ENDOV: variants seen among roughly 807,000 people sequenced by gnomAD.
ENDOV encodes the protein hEndoV.
ENDOV carries 37 observed loss-of-function variants against 39.4 expected under a neutral mutation model. The observed-to-expected ratio is 0.94, with a 90% confidence interval of 0.72 to 1.23. The LOEUF is 1.23. Ranked by LOEUF, ENDOV falls within the 50% of genes most tolerant of loss-of-function variation. ENDOV has a pLI of 0.00. For synonymous variants in ENDOV, 186 were observed against 163.4 expected (o/e 1.14, Z -1.05); for missense variants, 441 against 375.7 (o/e 1.17, Z -1.44).
intron 9 of ENDOV, among the ~76,000 whole-genome samples, chr17:80,435,131 A>G (rs2083525807): frequency 6.6e-6 from 1 of 152,020 alleles, no homozygotes; most frequent in African/African-American, 2.4e-5. Context: ...ATATGTTCTG[A>G]ATCCTAGATA....
intron 2 of ENDOV, chr17:80,418,255 G>A (rs1044892464): frequency 2.0e-5 from 3 of 152,174 alleles, no homozygotes; most frequent in African/African-American, 7.2e-5. Context: ...GAATTGTGAT[G>A]AGCAGTACAT....
intron 2 of ENDOV, chr17:80,419,417 C>T (rs1044889642): frequency 1.6e-6 from 1 of 611,024 alleles, no homozygotes; most frequent in Non-Finnish European, 3.0e-6. Context: ...GTGTGCTGCT[C>T]CGCAGGCCTC....
intron 2 of ENDOV, chr17:80,418,286 A>G (rs1438794903): frequency 6.6e-6 from 1 of 152,240 alleles, no homozygotes; most frequent in Non-Finnish European, 1.5e-5. Flanking sequence ...GAAAGCAGTT[A>G]ACACAGCATT....
chr17:80,428,353 C>G, intron 7 of ENDOV: 1 of 543,688 alleles, frequency 1.8e-6, no homozygotes, highest in Non-Finnish European at 3.3e-6. Flanking sequence ...CTACTCAGGC[C>G]CTTCAGGGAC....
At chr17:80,433,048 T>C in intron 9 of ENDOV, 1 of 513,096 alleles carries the variant, frequency 1.9e-6, no homozygotes, top group East Asian at 5.5e-5. Flanking sequence ...CTCTCCCCTC[T>C]CCACACTCAC....
At chr17:80,428,810 C>G (rs370476373) in intron 8 of ENDOV, 150 bp downstream of exon 8, 65 of 742,952 alleles carry the variant, frequency 8.7e-5, no homozygotes, top group African/African-American at 7.9e-4. Flanking sequence ...CAGGAGAGGT[C>G]TTCAAAGAGG....
intron 4 of ENDOV, 149 bp downstream of exon 4, chr17:80,422,394 C>A: frequency 2.1e-6 from 2 of 947,712 alleles, no homozygotes; most frequent in South Asian, 1.4e-5. Context: ...AACGGGGACG[C>A]GCAGTGCGCT....
intron 2 of ENDOV, among the ~76,000 whole-genome samples, chr17:80,421,080 G>A (rs2081952106): frequency 6.6e-6 from 1 of 152,216 alleles, no homozygotes; most frequent in South Asian, 2.1e-4. Flanking sequence ...GGGGCAGGCA[G>A]AGGTGATGCA....
In ENDOV at chr17:80,415,801, C is replaced by T. The variant is rs767179610; in HGVS notation, c.208C>T (p.Leu70Phe). Residue 70 changes from leucine (L) to phenylalanine (F), a missense_variant, in exon 2 of 10, where the codon CTC becomes TTC. Physicochemically the swap from Leu to Phe is conservative, Grantham distance 22. Transcript: ENST00000518137. ...SVRACASLVV[L>F]SFPELEVVYE... ...CCGCGCTTGTGCTTCCCTGGTGGTG[C>T]TCAGCTTCCCTGAGCTCGAGGTAAC... 5 of 1,598,342 alleles carry T rather than the reference C, an allele frequency of 3.1e-6. No homozygotes were observed. In the Admixed American group the frequency reaches 5.2e-5, roughly 17 times the overall value.
At chr17:80,424,147 C>CA (rs1179849863) in intron 5 of ENDOV, 1 of 399,024 alleles carries the variant, frequency 2.5e-6, no homozygotes, top group African/African-American at 2.1e-5. Flanking sequence ...GTGAGACACT[C>CA]ACAATGGAGG....
intron 9 of ENDOV, among the ~76,000 whole-genome samples, chr17:80,434,213 T>C (rs1033488562): frequency 6.6e-6 from 1 of 152,250 alleles, no homozygotes; most frequent in African/African-American, 2.4e-5. Flanking sequence ...GTGTAGTCTT[T>C]TCTGTCTGGC....
Position 80,415,681 on chromosome 17 carries a change from G to C in ENDOV, c.88G>C (p.Asp30His). The stretch of plus-strand genomic sequence containing the variant: ...AGCTCGGCTGAAGGCCCACGTCGTA[G>C]ACCGGGACACCGAGGCGTGGCAGCG... ...EQARLKAHVV[D>H]RDTEAWQRDP... The change falls in exon 2 of 10, where the codon GAC (aspartate) becomes CAC (histidine). Residue 30 changes from aspartate (D) to histidine (H), a missense_variant. Coordinates refer to ENST00000518137, the MANE Select transcript of ENDOV (RefSeq NM_173627.5). The C allele has an allele frequency of 6.2e-7, 1 of 1,612,550 alleles. No homozygotes were observed. Among genetic ancestry groups the C allele is most frequent in the Non-Finnish European group, 8.5e-7 (1 of 1,179,376 alleles).
chr17:80,433,399 CCA>C lies in ENDOV; in HGVS notation c.839-2733_839-2732del, dbSNP rs1386022466. 2.0e-5 allele frequency among the ~76,000 whole-genome samples: 3 copies of C among 152,322 alleles called. No homozygotes were observed. The South Asian group carries it at 6.2e-4, about 32-fold the overall frequency. ...GTCAGTCCGCCATGCTGTGCCAACC[CCA>C]GTGATGAGAGGATGAAGCCAGGTCA... On this transcript the variant is annotated intron_variant, in intron 9 of 9. Transcript: ENST00000518137.
At chr17:80,415,428 G>A (rs41298658) in intron 1 of ENDOV, 178 bp downstream of exon 1, 3 of 997,970 alleles carry the variant, frequency 3.0e-6, no homozygotes, top group South Asian at 1.7e-5. Context: ...AGTCCGCGGG[G>A]TGGGCGCGGT....
At position 80,421,946 on chromosome 17, in the gene ENDOV, C is replaced by T. The variant is rs547186198; in HGVS notation, c.347C>T (p.Pro116Leu). The change falls in exon 3 of 10, where the codon CCG becomes CTG. Residue 116 changes from proline (P) to leucine (L), a missense_variant. Transcript: ENST00000518137. ...GTGCAGCAGCTGCGGGAGAAGGAGC[C>T]GGGCCTCATGCCCCAGGCAGGTGTC... ...ELVQQLREKEPGLMPQVLLVD... is the reference protein window; with the variant it reads ...ELVQQLREKELGLMPQVLLVD... 2.4e-5 allele frequency: 39 copies of T among 1,609,430 alleles called. No homozygotes were observed. Among genetic ancestry groups the T allele is most frequent in the East Asian group, 8.9e-5 (4 of 44,868 alleles).
In ENDOV at chr17:80,422,390, G is replaced by C. The variant is rs557141350; in HGVS notation, c.403+145G>C. 24 of 968,426 alleles carry C rather than the reference G, an allele frequency of 2.5e-5. No homozygotes were observed. The South Asian group carries it at 3.3e-4, about 13-fold the overall frequency. 60.0% of individuals were successfully genotyped at this position (968,426 alleles called of 1,614,324 possible). Reference sequence around the variant, plus strand: ...ATGGCTTCTTTCTCGGCGCAACGGGGACGCGCAGTGCGCTCAGCCCCGCCT... The same window carrying C: ...ATGGCTTCTTTCTCGGCGCAACGGGCACGCGCAGTGCGCTCAGCCCCGCCT... On this transcript the variant is annotated intron_variant, in intron 4 of 9. Coordinates refer to ENST00000518137, the MANE Select transcript of ENDOV (RefSeq NM_173627.5).
intron 9 of ENDOV, 156 bp downstream of exon 9, chr17:80,429,987 T>G (rs2083208077): frequency 4.5e-6 from 7 of 1,541,348 alleles, no homozygotes; most frequent in Non-Finnish European, 6.1e-6. Flanking sequence ...CTCAGGACAC[T>G]GACCACCCCT....
At position 80,429,769 on chromosome 17, in the gene ENDOV, C is replaced by G. The variant is rs1055219127; in HGVS notation, c.780-4C>G. On this transcript the variant is annotated splice_polypyrimidine_tract_variant and splice_region_variant and intron_variant, in intron 8 of 9. Transcript: ENST00000518137. ...TGCTGTCCCTTTCTCAATGTCATCA[C>G]CAGGAGCCCGAAGGCGCAGAGGCCA... is the stretch of plus-strand genomic sequence containing the variant. 3.1e-6 allele frequency: 5 copies of G among 1,598,028 alleles called. No individual in the cohort carries two copies. Among genetic ancestry groups the G allele is most frequent in the African/African-American group, 2.7e-5 (2 of 74,060 alleles).
chr17:80,425,312 C>A (rs1429981290), intron 6 of ENDOV, 180 bp from the exon 7 acceptor site: 3 of 988,222 alleles, frequency 3.0e-6, no homozygotes, highest in Admixed American at 5.6e-5. Context: ...CACCCTCCCC[C>A]AGGGACAAGC....
Sources: allele counts gnomAD v4.1 joint callset (sites outside exome capture counted in the v4.1 genomes callset), GRCh38; gene constraint gnomAD v4.1.1; transcripts MANE v1.5; gene names NCBI Gene and HGNC (gene_info 2026-07-23, HGNC 2026-07-21).